NPAS3: variants seen among roughly 807,000 people sequenced by gnomAD.
The protein encoded by NPAS3 is neuronal PAS domain protein 3, also known as neuronal PAS domain-containing protein 3.
NPAS3 carries 14 observed loss-of-function variants against 73.1 expected under a neutral mutation model. The observed-to-expected ratio is 0.19, with a 90% CI of 0.13 to 0.30. The LOEUF is 0.30. Ranked by LOEUF, NPAS3 falls within the 10% of genes least tolerant of loss-of-function variation. The pLI, the probability that NPAS3 is intolerant of heterozygous loss-of-function variation, is 1.00. For missense variants in NPAS3, 1,096 were observed against 1,250.0 expected, an observed-to-expected ratio of 0.88 and a Z score of 1.86; for synonymous variants, 620 against 541.5, an observed-to-expected ratio of 1.14 and a Z score of -2.01.
intron 4 of NPAS3, among the ~76,000 whole-genome samples, chr14:33,513,503 A>G (rs749783371): frequency 3.9e-5 from 6 of 152,056 alleles, no homozygotes; most frequent in Non-Finnish European, 8.8e-5. Context: ...TTCCATAATT[A>G]TATAATGTTA....
intron 3 of NPAS3, among the ~76,000 whole-genome samples, chr14:33,290,883 A>G (rs1193317197): frequency 1.3e-5 from 2 of 152,208 alleles, no homozygotes; most frequent in Non-Finnish European, 2.9e-5. Context: ...CGGCAGCATA[A>G]TTGTCACAGG....
chr14:33,283,228 G>T (rs1349678102), intron 3 of NPAS3, among the ~76,000 whole-genome samples: 1 of 152,170 alleles, frequency 6.6e-6, no homozygotes, highest in Non-Finnish European at 1.5e-5. Context: ...CGGTCACAGA[G>T]TAAGGTCATC....
intron 3 of NPAS3, among the ~76,000 whole-genome samples, chr14:33,219,897 T>G (rs929484209): frequency 3.3e-5 from 5 of 152,182 alleles, no homozygotes; most frequent in African/African-American, 1.2e-4. Context: ...CATCTTGGTC[T>G]AAGCAGTTCA....
At chr14:33,314,375 A>G (rs2043125689) in intron 3 of NPAS3, among the ~76,000 whole-genome samples, 1 of 152,088 alleles carries the variant, frequency 6.6e-6, no homozygotes, top group African/African-American at 2.4e-5. Context: ...CAGACTAGGT[A>G]TGTGACCTTG....
intron 3 of NPAS3, among the ~76,000 whole-genome samples, chr14:33,235,442 A>G (rs930085101): frequency 2.6e-5 from 4 of 152,196 alleles, no homozygotes; most frequent in African/African-American, 9.6e-5. Flanking sequence ...TGTAGGTTAT[A>G]GTCACTGTGG....
At chr14:33,610,239 G>A (rs1404264223) in intron 5 of NPAS3, among the ~76,000 whole-genome samples, 1 of 152,180 alleles carries the variant, frequency 6.6e-6, no homozygotes, top group Middle Eastern at 3.2e-3. Flanking sequence ...CCCAAGGTTT[G>A]TCTTCCCAGG....
intron 2 of NPAS3, among the ~76,000 whole-genome samples, chr14:33,126,973 A>G (rs2043449830): frequency 6.6e-6 from 1 of 152,142 alleles, no homozygotes; most frequent in Non-Finnish European, 1.5e-5. Flanking sequence ...GCTCAATTTA[A>G]AAAACTAGAA....
At chr14:33,594,453 G>T (rs914369061) in intron 5 of NPAS3, among the ~76,000 whole-genome samples, 3 of 152,160 alleles carry the variant, frequency 2.0e-5, no homozygotes, top group Non-Finnish European at 2.9e-5. Flanking sequence ...AAAGTCTCAG[G>T]ATCAGCTTCT....
At position 33,114,826 on chromosome 14, in the gene NPAS3, C is replaced by T. The variant is rs76457933; in HGVS notation, c.140+58832C>T. On this transcript the variant is annotated intron_variant, in intron 2 of 11. Transcript: ENST00000356141. The stretch of plus-strand genomic sequence containing the variant: ...GCTTCTAATGTAAAAGAAGTCTCAA[C>T]AATAGAATATGCAATATATAGAGAG... Among the ~76,000 whole-genome samples, 1,363 of 152,062 alleles carry T rather than the reference C, an allele frequency of 9.0e-3. 14 individuals are homozygous for T. The highest frequency in any genetic ancestry group is 0.013 in the Non-Finnish European group (881 of 67,966).
intron 4 of NPAS3, among the ~76,000 whole-genome samples, chr14:33,382,913 A>G (rs2046617614): frequency 6.6e-6 from 1 of 151,984 alleles, no homozygotes; most frequent in Non-Finnish European, 1.5e-5. Context: ...CAACCTGGCA[A>G]TACCTCATCT....
intron 5 of NPAS3, among the ~76,000 whole-genome samples, chr14:33,595,938 A>G (rs2057230029): frequency 6.6e-6 from 1 of 152,170 alleles, no homozygotes; most frequent in Non-Finnish European, 1.5e-5. Context: ...CCAAAGTGCT[A>G]GATTTTAAGG....
chr14:33,599,074 T>TA (rs2057327408), intron 5 of NPAS3, among the ~76,000 whole-genome samples: 1 of 152,214 alleles, frequency 6.6e-6, no homozygotes, highest in African/African-American at 2.4e-5. Context: ...ATGTTTTTTT[T>TA]ATCAGGCACT....
intron 4 of NPAS3, among the ~76,000 whole-genome samples, chr14:33,557,226 G>T (rs1034175585): frequency 2.6e-5 from 4 of 152,160 alleles, no homozygotes; most frequent in African/African-American, 7.2e-5. Context: ...ACTGCAGAGG[G>T]TTTGGCAGTT....
chr14:33,694,753 T>C (rs1018854713), intron 6 of NPAS3, among the ~76,000 whole-genome samples: 1 of 152,180 alleles, frequency 6.6e-6, no homozygotes, highest in Non-Finnish European at 1.5e-5. Flanking sequence ...AATTTCCTTA[T>C]AGTCAAAACA....
chr14:33,650,130 G>A (rs889052747), intron 5 of NPAS3, among the ~76,000 whole-genome samples: 1 of 152,158 alleles, frequency 6.6e-6, no homozygotes, highest in African/African-American at 2.4e-5. Context: ...ACAGACACAG[G>A]CAATACTCAG....
intron 2 of NPAS3, among the ~76,000 whole-genome samples, chr14:33,064,105 C>T (rs2041200639): frequency 6.6e-6 from 1 of 151,964 alleles, no homozygotes; most frequent in South Asian, 2.1e-4. Flanking sequence ...ATTTTAGTGA[C>T]TATTCAGGAT....
intron 6 of NPAS3, 58 bp downstream of exon 6, chr14:33,676,443 T>C: frequency 2.1e-6 from 3 of 1,438,326 alleles, no homozygotes; most frequent in Non-Finnish European, 2.8e-6. Flanking sequence ...CAAATGAGTG[T>C]GCTCAAGTTA....
At chr14:33,440,172 C>T (rs933745418) in intron 4 of NPAS3, among the ~76,000 whole-genome samples, 1 of 151,684 alleles carries the variant, frequency 6.6e-6, no homozygotes, top group Non-Finnish European at 1.5e-5. Flanking sequence ...TTGTTGAAGC[C>T]GGATGGAACC....
intron 4 of NPAS3, among the ~76,000 whole-genome samples, chr14:33,457,869 G>A (rs1430859185): frequency 6.6e-6 from 1 of 152,106 alleles, no homozygotes; most frequent in East Asian, 1.9e-4. Context: ...CAACCCCCTG[G>A]ACACCCCTTG....
Sources: gnomAD v4.1 joint callset for allele counts (sites outside exome capture counted in the v4.1 genomes callset) on GRCh38, gnomAD v4.1.1 for gene constraint, MANE v1.5 for transcripts, NCBI Gene and HGNC (gene_info 2026-07-23, HGNC 2026-07-21) for gene names.